The following CEP290 variants were observed in gnomAD, a reference collection of about 807,000 sequenced individuals.
CEP290 encodes the protein centrosomal protein of 290 kDa.
A neutral mutation model predicts 344.9 loss-of-function variants in CEP290; 317 were observed. That is an observed-to-expected ratio of 0.92 (90% CI 0.84 to 1.01). CEP290 has a LOEUF of 1.01. CEP290 is among the 50% of genes least tolerant of loss of function. The pLI, the probability that CEP290 is intolerant of heterozygous loss-of-function variation, is 0.00. For missense variants in CEP290, 2,754 were observed against 2,761.4 expected, an observed-to-expected ratio of 1.00 and a Z score of 0.06; for synonymous variants, 932 against 895.8, an observed-to-expected ratio of 1.04 and a Z score of -0.72.
In CEP290 at chr12:88,121,068, C is replaced by A. The variant is rs767366207; in HGVS notation, c.1288G>T (p.Ala430Ser). 6.2e-7 allele frequency: 1 copy of A among 1,613,442 alleles called. No homozygotes were observed. Among genetic ancestry groups the A allele is most frequent in the Non-Finnish European group, 8.5e-7 (1 of 1,179,680 alleles). ...TKEAERTAELAEADAREKDKE... is the reference protein window; with the variant it reads ...TKEAERTAELSEADAREKDKE... ...TCCTTTTCCCTAGCATCAGCCTCAG[C>A]CAGTTCAGCTGTTCTCTCAGCCTCT... Residue 430 changes from alanine (A) to serine (S), a missense_variant, in exon 14 of 54, where the codon GCT (alanine) becomes TCT (serine). Physicochemically the swap from Ala to Ser is moderately conservative, Grantham distance 99 (BLOSUM62 1). Coordinates refer to ENST00000552810, the MANE Select transcript of CEP290 (RefSeq NM_025114.4).
intron 24 of CEP290, 38 bp downstream of exon 24, chr12:88,106,958 A>G: frequency 6.5e-7 from 1 of 1,547,464 alleles, no homozygotes; most frequent in South Asian, 1.2e-5. Flanking sequence ...CCTACTTTGT[A>G]CAATATTGCA....
In CEP290 at chr12:88,121,137, T is replaced by C. The variant is rs369091884; in HGVS notation, c.1219A>G (p.Met407Val). 4 of 1,613,210 alleles carry C rather than the reference T, an allele frequency of 2.5e-6. No individual in the cohort carries two copies. The highest frequency in any genetic ancestry group is 3.4e-6 in the Non-Finnish European group (4 of 1,179,556). The change falls in exon 14 of 54, where the codon ATG becomes GTG. Residue 407 changes from methionine to valine, a missense_variant. Coordinates refer to ENST00000552810, the MANE Select transcript of CEP290 (RefSeq NM_025114.4). ...GASTLSQQTH[M>V]KIQSTLDILK... is the part of the protein sequence containing the mutation. ...ATGTCTAACGTTGACTGAATTTTCATATGAGTCTGTTGAGAAAGGGTTGAA... is the reference window on the plus strand; with the variant it reads ...ATGTCTAACGTTGACTGAATTTTCACATGAGTCTGTTGAGAAAGGGTTGAA...
At position 88,121,142 on chromosome 12, in the gene CEP290, G is replaced by A. The variant is rs781183605; in HGVS notation, c.1214C>T (p.Thr405Ile). ...NKGASTLSQQ[T>I]HMKIQSTLDI... is the part of the protein sequence containing the mutation. The stretch of plus-strand genomic sequence containing the variant: ...TAACGTTGACTGAATTTTCATATGA[G>A]TCTGTTGAGAAAGGGTTGAAGCACC... Residue 405 changes from threonine to isoleucine, a missense_variant, in exon 14 of 54, where the codon ACT (threonine) becomes ATT (isoleucine). Physicochemically the swap from Thr to Ile is moderately conservative, Grantham distance 89. Coordinates refer to ENST00000552810, the MANE Select transcript of CEP290 (RefSeq NM_025114.4). 8 of 1,612,838 alleles carry A rather than the reference G, an allele frequency of 5.0e-6. No homozygotes were observed. The highest frequency in any genetic ancestry group is 2.2e-5 in the East Asian group (1 of 44,830).
At chr12:88,115,470 T>C in intron 18 of CEP290, 1 of 1,305,098 alleles carries the variant, frequency 7.7e-7, no homozygotes, top group Non-Finnish European at 1.0e-6. Flanking sequence ...GTTCTGCCTT[T>C]ACACTACCTG....
intron 37 of CEP290, among the ~76,000 whole-genome samples, chr12:88,082,508 C>A (rs1222411720): frequency 2.0e-5 from 3 of 152,030 alleles, no homozygotes; most frequent in Non-Finnish European, 4.4e-5. Flanking sequence ...GCCTGGGCAA[C>A]ATGGAGAAAC....
In CEP290 at chr12:88,089,321, T is replaced by C. The variant is rs1385444561; in HGVS notation, c.3740A>G (p.Gln1247Arg). The part of the protein sequence containing the change: ...RLEQKLDEKE[Q>R]ALYYARLEGR... ...CTCCAAACGAGCATAATAGAGAGCC[T>C]GTTCTTTTTCATCAAGTTTCTGCTC... is the stretch of plus-strand genomic sequence containing the variant. The change falls in exon 31 of 54, where the codon CAG becomes CGG. Residue 1247 changes from glutamine to arginine, a missense_variant. Physicochemically the swap from Gln to Arg is conservative, Grantham distance 43. Transcript: ENST00000552810. 6.2e-7 allele frequency: 1 copy of C among 1,613,980 alleles called. No homozygotes were observed. Among genetic ancestry groups the C allele is most frequent in the South Asian group, 1.1e-5 (1 of 91,080 alleles).
chr12:88,049,236 G>C lies in CEP290; in HGVS notation c.7388C>G (p.Ser2463Cys), dbSNP rs764437559. The change falls in exon 54 of 54, where the codon TCT (serine) becomes TGT (cysteine). Residue 2463 changes from serine (S) to cysteine (C), a missense_variant. Physicochemically the swap from Ser to Cys is moderately radical, Grantham distance 112. Transcript: ENST00000552810. ...TTCTTCTTCATCTTCAAACTCTTCA[G>C]AAGCAGCAACAGGGCTAGTTAATTC... ...GVELTSPVAA[S>C]EEFEDEEESP... 1 of 1,608,642 alleles carries C rather than the reference G, an allele frequency of 6.2e-7. No individual in the cohort carries two copies. Among genetic ancestry groups the C allele is most frequent in the South Asian group, 1.1e-5 (1 of 89,644 alleles).
rs7971699 is a variant in CEP290, at chr12:88,062,672, T to A, written c.6357+20A>T. 9.6e-3 allele frequency: 14,853 copies of A among 1,542,636 alleles called. 1,256 individuals are homozygous for A. The African/African-American group carries it at 0.18, about 19-fold the overall frequency. On this transcript the variant is annotated intron_variant, in intron 46 of 53. Coordinates refer to ENST00000552810, the MANE Select transcript of CEP290 (RefSeq NM_025114.4). Reference sequence around the variant, plus strand: ...ATCACTGCTGAAACCAAAACAAATGTATGGTAAATTCTCACATACCCCTCT... The same window carrying A: ...ATCACTGCTGAAACCAAAACAAATGAATGGTAAATTCTCACATACCCCTCT...
rs745369780 is a variant in CEP290, at chr12:88,129,707, T to C, written c.839A>G (p.His280Arg). 2.8e-6 allele frequency: 4 copies of C among 1,433,166 alleles called. No individual in the cohort carries two copies. In the South Asian group the frequency reaches 4.0e-5, roughly 14 times the overall value. The allele number at this position is 1,433,166 out of a possible 1,614,324, so 88.8% of individuals were successfully genotyped here. ...AGTAATTCTTACTTGAAGTTGATAA[T>C]GATCGTTTTCTTTTTTTAACTGATC... Reference protein sequence around the residue: ...VIDQLKKENDHYQLQVQELTD... With the variant: ...VIDQLKKENDRYQLQVQELTD... Residue 280 changes from histidine (H) to arginine (R), a missense_variant, in exon 10 of 54, where the codon CAT (histidine) becomes CGT (arginine). Physicochemically the swap from His to Arg is conservative, Grantham distance 29. Coordinates refer to ENST00000552810, the MANE Select transcript of CEP290 (RefSeq NM_025114.4).
At chr12:88,125,683 T>C (rs2039687486) in intron 12 of CEP290, among the ~76,000 whole-genome samples, 1 of 152,070 alleles carries the variant, frequency 6.6e-6, no homozygotes, top group Non-Finnish European at 1.5e-5. Context: ...TCCACCTTTT[T>C]ACCATTTTGT....
intron 17 of CEP290, among the ~76,000 whole-genome samples, chr12:88,117,633 T>C (rs987202349): frequency 1.3e-5 from 2 of 152,230 alleles, no homozygotes; most frequent in Admixed American, 1.3e-4. Flanking sequence ...AAAAAAGCAC[T>C]GCAATGGCTA....
At chr12:88,087,588 C>T (rs1020428055) in intron 32 of CEP290, among the ~76,000 whole-genome samples, 192 bp downstream of exon 32, 12 of 151,482 alleles carry the variant, frequency 7.9e-5, no homozygotes, top group South Asian at 2.1e-4. Flanking sequence ...GGCACGGTGG[C>T]GGGTGCCTGT....
At chr12:88,067,967 G>C (rs2035066935) in intron 44 of CEP290, among the ~76,000 whole-genome samples, 1 of 151,966 alleles carries the variant, frequency 6.6e-6, no homozygotes, top group African/African-American at 2.4e-5. Flanking sequence ...TGTTTCTTTT[G>C]TGAAAAATAT....
chr12:88,128,455 A>G (rs2039864298), intron 11 of CEP290, among the ~76,000 whole-genome samples: 1 of 152,186 alleles, frequency 6.6e-6, no homozygotes, highest in Non-Finnish European at 1.5e-5. Flanking sequence ...GTAAGGCCTG[A>G]CAATTTGGTT....
chr12:88,120,333 C>A, intron 14 of CEP290, 57 bp from the exon 15 acceptor site: 5 of 896,442 alleles, frequency 5.6e-6, no homozygotes, highest in Non-Finnish European at 6.2e-6. Context: ...ATAAATTTAT[C>A]AAGTTCATGA....
intron 13 of CEP290, among the ~76,000 whole-genome samples, chr12:88,124,329 C>T (rs76992086): frequency 0.015 from 2,306 of 152,200 alleles, 57 homozygotes; most frequent in African/African-American, 0.052. Flanking sequence ...TACACTCCTG[C>T]TTTACTGCCT....
chr12:88,092,693 A>G lies in CEP290; in HGVS notation c.3449T>C (p.Val1150Ala), dbSNP rs2037141100. ...ELEKNEMELK[V>A]EVSKLREISD... ...TATATGCACTTACTTTGACACTTCA[A>G]CTTTTAGTTCCATTTCATTCTTCTC... The change falls in exon 29 of 54, where the codon GTT becomes GCT. Residue 1150 changes from valine (V) to alanine (A), a missense_variant. By Grantham distance (64) the Val-to-Ala change is moderately conservative. Coordinates refer to ENST00000552810, the MANE Select transcript of CEP290 (RefSeq NM_025114.4). The G allele has an allele frequency of 7.5e-6, 12 of 1,608,502 alleles. No homozygotes were observed. The East Asian group carries it at 2.5e-4, about 33-fold the overall frequency.
intron 44 of CEP290, among the ~76,000 whole-genome samples, chr12:88,065,883 T>C (rs2034885428): frequency 6.6e-6 from 1 of 152,200 alleles, no homozygotes; most frequent in Admixed American, 6.5e-5. Flanking sequence ...CAAATTCTAA[T>C]GTAATGCTCT....
At chr12:88,127,936 A>G (rs371952556) in intron 11 of CEP290, among the ~76,000 whole-genome samples, 7 of 152,192 alleles carry the variant, frequency 4.6e-5, no homozygotes, top group East Asian at 3.8e-4. Context: ...AAGTCAAAAC[A>G]AAGTACAGAA....
Sources: gnomAD v4.1 joint callset for allele counts (sites outside exome capture counted in the v4.1 genomes callset) on GRCh38, gnomAD v4.1.1 for gene constraint, MANE v1.5 for transcripts, NCBI Gene and HGNC (gene_info 2026-07-23, HGNC 2026-07-21) for gene names.